The following PHTF2 variants were observed in gnomAD, a reference collection of about 807,000 sequenced individuals.
The protein encoded by PHTF2 is protein PHTF2.
PHTF2 carries 60 observed loss-of-function variants against 101.2 expected under a neutral mutation model. The observed-to-expected ratio is 0.59, with a 90% CI of 0.48 to 0.73. The LOEUF is 0.73. Among genes scored for constraint, PHTF2 ranks in the 30% least tolerant of loss-of-function variants. The pLI, the probability that PHTF2 is intolerant of heterozygous loss-of-function variation, is 0.00. For synonymous variants in PHTF2, 311 were observed against 307.3 expected (o/e 1.01, Z -0.13); for missense variants, 747 against 908.7 (o/e 0.82, Z 2.29).
intron 3 of PHTF2, among the ~76,000 whole-genome samples, chr7:77,882,262 A>G (rs2150753868): frequency 6.6e-6 from 1 of 152,306 alleles, no homozygotes; most frequent in Admixed American, 6.5e-5. Flanking sequence ...TTTGATCCAA[A>G]TGGCTAGCTA....
chr7:77,828,369 A>C (rs1486945768), intron 1 of PHTF2, among the ~76,000 whole-genome samples: 2 of 152,238 alleles, frequency 1.3e-5, no homozygotes, highest in Non-Finnish European at 2.9e-5. Flanking sequence ...AGAGTAAATT[A>C]ATTCATCTGT....
At chr7:77,833,093 G>A (rs913711633) in intron 1 of PHTF2, among the ~76,000 whole-genome samples, 4 of 152,198 alleles carry the variant, frequency 2.6e-5, no homozygotes, top group African/African-American at 4.8e-5. Flanking sequence ...AATGTGGAAA[G>A]CAAAGCCTTG....
intron 2 of PHTF2, among the ~76,000 whole-genome samples, chr7:77,849,188 A>G (rs911980156): frequency 1.3e-5 from 2 of 151,882 alleles, no homozygotes; most frequent in African/African-American, 4.8e-5. Context: ...TAGTGGCGTG[A>G]TCCCGGCTTA....
chr7:77,885,766 A>G (rs895874526), intron 3 of PHTF2, among the ~76,000 whole-genome samples: 1 of 152,114 alleles, frequency 6.6e-6, no homozygotes, highest in Non-Finnish European at 1.5e-5. Context: ...CTTTTAACAG[A>G]TACTCTTGCT....
chr7:77,934,589 A>T (rs1333189411), intron 12 of PHTF2, among the ~76,000 whole-genome samples: 2 of 152,226 alleles, frequency 1.3e-5, no homozygotes. Flanking sequence ...AGAAGTTCTA[A>T]ATTTTTGGAT....
At chr7:77,838,235 A>G (rs942285306) in intron 1 of PHTF2, among the ~76,000 whole-genome samples, 6 of 152,180 alleles carry the variant, frequency 3.9e-5, no homozygotes, top group Non-Finnish European at 8.8e-5. Flanking sequence ...GGACAGAAAA[A>G]CAAAAATGGG....
intron 1 of PHTF2, among the ~76,000 whole-genome samples, chr7:77,837,062 G>A (rs187132497): frequency 4.4e-4 from 67 of 151,766 alleles, no homozygotes; most frequent in African/African-American, 1.5e-3. Flanking sequence ...AGAGTTAACT[G>A]CCTAATGTTA....
chr7:77,910,303 A>G (rs754623264), exon 9 of PHTF2: 1 of 1,613,482 alleles, frequency 6.2e-7, no homozygotes, highest in Non-Finnish European at 8.5e-7. Flanking sequence ...TTCTAGTACC[A>G]CAGATAACAC....
intron 18 of PHTF2, 27 bp from the exon 18 acceptor site, chr7:77,953,742 G>T: frequency 6.3e-7 from 1 of 1,596,794 alleles, no homozygotes; most frequent in Non-Finnish European, 8.5e-7. Flanking sequence ...TTGAATCTGG[G>T]ACTGACTTTT....
At chr7:77,859,005 G>A (rs1363092033) in intron 3 of PHTF2, among the ~76,000 whole-genome samples, 1 of 152,086 alleles carries the variant, frequency 6.6e-6, no homozygotes, top group Non-Finnish European at 1.5e-5. Flanking sequence ...GAGACTGTGA[G>A]GGAAAAACTG....
intron 2 of PHTF2, among the ~76,000 whole-genome samples, chr7:77,852,904 A>G (rs1562876366): frequency 1.3e-5 from 2 of 152,148 alleles, no homozygotes; most frequent in South Asian, 4.2e-4. Context: ...ATGTCATGCC[A>G]CTCTCTCCTG....
At chr7:77,806,306 C>T (rs755770657) in intron 1 of PHTF2, among the ~76,000 whole-genome samples, 107 of 151,974 alleles carry the variant, frequency 7.0e-4, no homozygotes, top group Non-Finnish European at 9.3e-4. Context: ...TTTCTCCTTG[C>T]GATTCTTTAA....
intron 7 of PHTF2, chr7:77,908,038 A>G (rs1802030931): frequency 6.6e-6 from 1 of 152,056 alleles, no homozygotes; most frequent in African/African-American, 2.4e-5. Flanking sequence ...GATCTAGGAG[A>G]AAGGTCTTGA....
chr7:77,887,832 A>T (rs1384441006), intron 3 of PHTF2, among the ~76,000 whole-genome samples: 1 of 152,218 alleles, frequency 6.6e-6, no homozygotes, highest in African/African-American at 2.4e-5. Flanking sequence ...CTCTGGGAGT[A>T]ATAACAAGAA....
At chr7:77,925,911 C>T (rs1048942682) in intron 11 of PHTF2, among the ~76,000 whole-genome samples, 1 of 151,958 alleles carries the variant, frequency 6.6e-6, no homozygotes, top group African/African-American at 2.4e-5. Context: ...CAAAAATTAG[C>T]TGGCTGTTGT....
intron 3 of PHTF2, among the ~76,000 whole-genome samples, chr7:77,873,454 AC>A (rs951007203): frequency 6.6e-6 from 1 of 151,634 alleles, no homozygotes; most frequent in African/African-American, 2.4e-5. Context: ...CACACTATCA[AC>A]CCCCCCATCT....
rs552648119 is a variant in PHTF2 at position 77,901,261 on chromosome 7, ATCTG to A, written c.286+489_287-490del. 2.1e-3 allele frequency among the ~76,000 whole-genome samples: 317 copies of A among 152,372 alleles called. 1 individual carries two copies. The highest frequency in any genetic ancestry group is 7.2e-3 in the African/African-American group (300 of 41,592). ...ATATTCCAAACTATATCAGATATCT[ATCTG>A]TCTGTCTATCTTTTTAGAAATAAAA... On this transcript the variant is annotated intron_variant, in intron 6 of 19. Transcript: ENST00000416283.
In PHTF2 at chr7:77,816,428, A is replaced by G. The variant is rs973602106; in HGVS notation, c.-36+17457A>G. On this transcript the variant is annotated intron_variant, in intron 1 of 19. Transcript: ENST00000416283. ...TATAGTACATGGGTCCAGGACAGAT[A>G]CATGTTTCATTTTGCTCAATTCAAT... Among the ~76,000 whole-genome samples the G allele has an allele frequency of 1.6e-4, 24 of 152,190 alleles. 1 individual carries two copies. The highest frequency in any genetic ancestry group is 6.5e-5 in the Admixed American group (1 of 15,280).
At chr7:77,880,629 C>T (rs1181489642) in intron 3 of PHTF2, among the ~76,000 whole-genome samples, 1 of 152,148 alleles carries the variant, frequency 6.6e-6, no homozygotes, top group Non-Finnish European at 1.5e-5. Context: ...TCCTCCTTCA[C>T]ATCCCGCTTG....
Sources: gnomAD v4.1 joint callset for allele counts (sites outside exome capture counted in the v4.1 genomes callset) on GRCh38, gnomAD v4.1.1 for gene constraint, MANE v1.5 for transcripts, NCBI Gene and HGNC (gene_info 2026-07-23, HGNC 2026-07-21) for gene names.